The following KCNQ5 variants were observed in gnomAD, a reference collection of about 807,000 sequenced individuals.
KCNQ5 encodes potassium voltage-gated channel subfamily KQT member 5.
A neutral mutation model predicts 98.2 loss-of-function variants in KCNQ5; 30 were observed. That is an observed-to-expected ratio of 0.31 (90% CI 0.23 to 0.41). The LOEUF (loss-of-function observed/expected upper bound fraction) is 0.41. Ranked by LOEUF, KCNQ5 falls within the 10% of genes least tolerant of loss-of-function variation. The pLI is 1.00. For synonymous variants in KCNQ5, 458 were observed against 449.4 expected, an observed-to-expected ratio of 1.02 and a Z score of -0.24; for missense variants, 835 against 1,182.5, an observed-to-expected ratio of 0.71 and a Z score of 4.31.
At chr6:73,050,831 G>A (rs1010877187) in intron 3 of KCNQ5, among the ~76,000 whole-genome samples, 5 of 152,144 alleles carry the variant, frequency 3.3e-5, no homozygotes, top group Non-Finnish European at 5.9e-5. Flanking sequence ...AAATGAAATT[G>A]TAAAGTAGTA....
At chr6:73,008,146 A>C (rs1319691709) in intron 2 of KCNQ5, among the ~76,000 whole-genome samples, 1 of 151,936 alleles carries the variant, frequency 6.6e-6, no homozygotes, top group Non-Finnish European at 1.5e-5. Flanking sequence ...ACATTTCACT[A>C]CAAAAAAAAA....
chr6:72,712,599 C>T (rs910757987), intron 1 of KCNQ5, among the ~76,000 whole-genome samples: 4 of 152,160 alleles, frequency 2.6e-5, no homozygotes, highest in Admixed American at 2.0e-4. Flanking sequence ...TATACGATAA[C>T]ATCATCATTC....
intron 1 of KCNQ5, among the ~76,000 whole-genome samples, chr6:72,926,334 AT>A (rs2150223697): frequency 6.6e-6 from 1 of 152,314 alleles, no homozygotes; most frequent in East Asian, 1.9e-4. Context: ...GCAGGCTTAC[AT>A]TATTTATGGA....
At chr6:72,831,730 T>A (rs12209384) in intron 1 of KCNQ5, among the ~76,000 whole-genome samples, 33,368 of 138,886 alleles carry the variant, frequency 0.24, 4,106 homozygotes, top group South Asian at 0.51. Flanking sequence ...AAGTATAATT[T>A]AAAAAAAAAA....
At chr6:72,894,274 A>G (rs973089000) in intron 1 of KCNQ5, among the ~76,000 whole-genome samples, 2 of 152,164 alleles carry the variant, frequency 1.3e-5, no homozygotes, top group Non-Finnish European at 2.9e-5. Context: ...GGGTTCATTT[A>G]AAGAGGAAGT....
At chr6:72,810,485 G>C (rs1775189145) in intron 1 of KCNQ5, among the ~76,000 whole-genome samples, 2 of 152,184 alleles carry the variant, frequency 1.3e-5, no homozygotes, top group South Asian at 4.1e-4. Flanking sequence ...GACCAGAGTA[G>C]AAATCTATTC....
chr6:72,692,489 G>T (rs1199463733), intron 1 of KCNQ5, among the ~76,000 whole-genome samples: 1 of 152,160 alleles, frequency 6.6e-6, no homozygotes, highest in African/African-American at 2.4e-5. Flanking sequence ...GAATTAATTT[G>T]TTGGTTAAGG....
intron 3 of KCNQ5, among the ~76,000 whole-genome samples, chr6:73,073,702 A>G (rs1277559820): frequency 6.6e-5 from 10 of 152,206 alleles, no homozygotes; most frequent in Non-Finnish European, 1.0e-4. Context: ...ACTACTTAAT[A>G]CATAAATGGA....
intron 1 of KCNQ5, among the ~76,000 whole-genome samples, chr6:72,815,400 AC>A (rs1422933919): frequency 6.6e-6 from 1 of 152,196 alleles, no homozygotes; most frequent in East Asian, 1.9e-4. Context: ...AAGACCAAGC[AC>A]TTGACTGGGT....
chr6:72,900,117 T>C (rs1581982523), intron 1 of KCNQ5, among the ~76,000 whole-genome samples: 1 of 152,120 alleles, frequency 6.6e-6, no homozygotes, highest in Non-Finnish European at 1.5e-5. Context: ...ATTACAGGCG[T>C]CAGCCACTGC....
intron 2 of KCNQ5, among the ~76,000 whole-genome samples, chr6:73,022,811 G>A (rs1010602855): frequency 9.9e-5 from 15 of 152,108 alleles, no homozygotes; most frequent in Non-Finnish European, 1.9e-4. Context: ...CATTTGAGGT[G>A]GTTCTAGCAT....
In KCNQ5 at chr6:73,097,768, G is replaced by T. The variant is rs182003222; in HGVS notation, c.919-7489G>T. Among the ~76,000 whole-genome samples the T allele has an allele frequency of 1.4e-4, 22 of 152,316 alleles. 1 individual carries two copies. The highest frequency in any genetic ancestry group is 7.8e-4 in the Admixed American group (12 of 15,312). ...AGATCTTATTCAAGACCACCAAGGT[G>T]ATACATCTACAAGTCTACAAGAACC... is the stretch of plus-strand genomic sequence containing the variant. On this transcript the variant is annotated intron_variant, in intron 5 of 13. Transcript: ENST00000370398.
chr6:72,734,891 A>G (rs919742696), intron 1 of KCNQ5, among the ~76,000 whole-genome samples: 3 of 152,254 alleles, frequency 2.0e-5, no homozygotes, highest in Non-Finnish European at 1.5e-5. Context: ...TGTTAACTCT[A>G]CTTCTATGAT....
At chr6:72,645,598 T>G (rs1445072819) in intron 1 of KCNQ5, among the ~76,000 whole-genome samples, 2 of 152,102 alleles carry the variant, frequency 1.3e-5, no homozygotes, top group Non-Finnish European at 2.9e-5. Flanking sequence ...TTAGTCTACC[T>G]GCATCTCCCT....
At chr6:73,090,214 A>G (rs1774179994) in intron 5 of KCNQ5, among the ~76,000 whole-genome samples, 1 of 151,908 alleles carries the variant, frequency 6.6e-6, no homozygotes, top group African/African-American at 2.4e-5. Flanking sequence ...TCATCTTTTG[A>G]GAATTGTCTA....
At chr6:73,099,423 A>G (rs1335525485) in intron 5 of KCNQ5, among the ~76,000 whole-genome samples, 1 of 152,166 alleles carries the variant, frequency 6.6e-6, no homozygotes, top group East Asian at 1.9e-4. Flanking sequence ...TGATCTGTTG[A>G]CTACAAGAAA....
At chr6:72,732,364 A>C (rs1375026909) in intron 1 of KCNQ5, among the ~76,000 whole-genome samples, 1 of 151,966 alleles carries the variant, frequency 6.6e-6, no homozygotes, top group Non-Finnish European at 1.5e-5. Flanking sequence ...GATCAGTTGC[A>C]GGGGAGGGTG....
At chr6:72,650,440 A>G (rs557902818) in intron 1 of KCNQ5, among the ~76,000 whole-genome samples, 1 of 152,302 alleles carries the variant, frequency 6.6e-6, no homozygotes, top group South Asian at 2.1e-4. Flanking sequence ...GTGCACATTT[A>G]TATAGCTATG....
chr6:72,872,783 T>C (rs1474130355), intron 1 of KCNQ5, among the ~76,000 whole-genome samples: 3 of 152,054 alleles, frequency 2.0e-5, no homozygotes, highest in Non-Finnish European at 2.9e-5. Flanking sequence ...ATGAAGAGTA[T>C]TGTTCAATAC....
Sources: gnomAD v4.1 joint callset for allele counts (sites outside exome capture counted in the v4.1 genomes callset) on GRCh38, gnomAD v4.1.1 for gene constraint, MANE v1.5 for transcripts, NCBI Gene and HGNC (gene_info 2026-07-23, HGNC 2026-07-21) for gene names.